The following QTGAL variants were observed in gnomAD, a reference collection of about 807,000 sequenced individuals.
QTGAL encodes queuosine-tRNA galactosyltransferase, also known as BGnT-like protein 1.
At chr17:82,995,658 T>C in the QTGAL span, among the ~76,000 whole-genome samples, 1 of 152,140 alleles carries the variant, frequency 6.6e-6, no homozygotes, top group Non-Finnish European at 1.5e-5. Context: ...GCTGGGATTA[T>C]AGATGTGAGC....
chr17:82,954,802 G>A, the QTGAL span, among the ~76,000 whole-genome samples: 1 of 152,280 alleles, frequency 6.6e-6, no homozygotes, highest in South Asian at 2.1e-4. Flanking sequence ...CAATGCAACA[G>A]AACAGAGGCC....
the QTGAL span, chr17:83,006,272 C>T: frequency 5.3e-3 from 5,179 of 985,560 alleles, 228 homozygotes; most frequent in African/African-American, 0.085. This position sits in a 1 kb window ranked among gnomAD's most constrained non-coding sequence, Gnocchi z 5.8. Flanking sequence ...CTGGATCTGT[C>T]TCCAACTTGT....
the QTGAL span, chr17:83,006,596 T>G: frequency 2.0e-6 from 2 of 985,262 alleles, no homozygotes; most frequent in African/African-American, 1.7e-5. This position sits in a 1 kb window ranked among gnomAD's most constrained non-coding sequence, Gnocchi z 5.8. Context: ...TGGCAGCCCC[T>G]CAACGGCAGC....
the QTGAL span, among the ~76,000 whole-genome samples, chr17:83,037,918 T>C: frequency 0.12 from 18,743 of 152,146 alleles, 1,167 homozygotes; most frequent in Non-Finnish European, 0.13. The surrounding 1 kb of genome is among the most constrained non-coding windows in gnomAD (Gnocchi z 5.2). Context: ...GGGAGGCCAG[T>C]CCCTTTGTGA....
the QTGAL span, among the ~76,000 whole-genome samples, chr17:82,969,532 G>A: frequency 3.3e-5 from 5 of 152,176 alleles, no homozygotes; most frequent in South Asian, 2.1e-4. Flanking sequence ...AAAGCCCAGC[G>A]TGGTGGTGCA....
the QTGAL span, chr17:83,006,888 T>C: frequency 6.1e-3 from 5,541 of 902,342 alleles, 20 homozygotes; most frequent in Non-Finnish European, 6.9e-3. This position sits in a 1 kb window ranked among gnomAD's most constrained non-coding sequence, Gnocchi z 5.8. Flanking sequence ...GTTACATGTT[T>C]AGTTTTTACA....
the QTGAL span, chr17:83,005,703 C>T: frequency 1.4e-6 from 1 of 710,870 alleles, no homozygotes; most frequent in Non-Finnish European, 2.5e-6. The surrounding 1 kb of genome is among the most constrained non-coding windows in gnomAD (Gnocchi z 5.6). Context: ...TACCAGCTGG[C>T]TTCCTCCAGG....
the QTGAL span, among the ~76,000 whole-genome samples, chr17:83,039,588 C>T: frequency 7.1e-6 from 1 of 140,620 alleles, no homozygotes; most frequent in Non-Finnish European, 1.6e-5. Flanking sequence ...CACTGCTGGG[C>T]GCCCACCGCC....
chr17:82,951,850 C>T, the QTGAL span, among the ~76,000 whole-genome samples: 1 of 151,986 alleles, frequency 6.6e-6, no homozygotes, highest in African/African-American at 2.4e-5. Context: ...AGAACATTCG[C>T]ATTTTATCAA....
At chr17:83,030,466 C>G in the QTGAL span, among the ~76,000 whole-genome samples, 1 of 152,194 alleles carries the variant, frequency 6.6e-6, no homozygotes, top group Non-Finnish European at 1.5e-5. Flanking sequence ...AGGCCTTGGG[C>G]GTTGCAGGCT....
chr17:83,048,602 T>A, the QTGAL span: 1 of 1,607,346 alleles, frequency 6.2e-7, no homozygotes, highest in Non-Finnish European at 8.5e-7. Flanking sequence ...GTCAGGAAAC[T>A]TCCCTCCGAA....
the QTGAL span, among the ~76,000 whole-genome samples, chr17:82,985,565 T>C: frequency 1.3e-5 from 2 of 152,172 alleles, no homozygotes; most frequent in African/African-American, 4.8e-5. Context: ...TTCAATTACA[T>C]CCTTGGTGTT....
the QTGAL span, among the ~76,000 whole-genome samples, chr17:82,998,957 TA>T: frequency 1.8e-5 from 1 of 56,400 alleles, no homozygotes; most frequent in Non-Finnish European, 3.2e-5. Context: ...CTAGATTAGC[TA>T]AAATTAAAAA....
At chr17:82,995,503 C>A in the QTGAL span, among the ~76,000 whole-genome samples, 10 of 152,054 alleles carry the variant, frequency 6.6e-5, no homozygotes, top group Non-Finnish European at 1.2e-4. Flanking sequence ...CTGCCTCAGC[C>A]TCCCAAGTAG....
the QTGAL span, among the ~76,000 whole-genome samples, chr17:82,954,065 A>C: frequency 6.6e-6 from 1 of 152,216 alleles, no homozygotes; most frequent in Non-Finnish European, 1.5e-5. Flanking sequence ...AGCTAGAAGC[A>C]TTCCCTTTGA....
chr17:82,990,894 G>C, the QTGAL span, among the ~76,000 whole-genome samples: 1 of 152,144 alleles, frequency 6.6e-6, no homozygotes, highest in African/African-American at 2.4e-5. Flanking sequence ...TCAGAGAAAA[G>C]GTGGGTGTCT....
At chr17:83,005,642 T>C in the QTGAL span, 1 of 703,450 alleles carries the variant, frequency 1.4e-6, no homozygotes, top group Non-Finnish European at 2.6e-6. This position sits in a 1 kb window ranked among gnomAD's most constrained non-coding sequence, Gnocchi z 5.6. Context: ...CGTCTGAACC[T>C]GCTCCATTCA....
At chr17:83,038,089 A>G in the QTGAL span, among the ~76,000 whole-genome samples, 1 of 152,188 alleles carries the variant, frequency 6.6e-6, no homozygotes, top group Non-Finnish European at 1.5e-5. Flanking sequence ...CATGAATCGT[A>G]ATAAGTGAAT....
At chr17:82,974,759 C>A in the QTGAL span, among the ~76,000 whole-genome samples, 1 of 151,960 alleles carries the variant, frequency 6.6e-6, no homozygotes, top group Non-Finnish European at 1.5e-5. Context: ...TGAGCTGGGT[C>A]CCCCCCACAG....
Sources: gnomAD v4.1 joint callset for allele counts (sites outside exome capture counted in the v4.1 genomes callset) on GRCh38, gnomAD v4.1.1 for gene constraint, Gnocchi (gnomAD v3.1) non-coding constraint, MANE v1.5 for transcripts, NCBI Gene and HGNC (gene_info 2026-07-23, HGNC 2026-07-21) for gene names.